PAICS: variants seen among roughly 807,000 people sequenced by gnomAD.
PAICS encodes phosphoribosylaminoimidazole carboxylase and phosphoribosylaminoimidazolesuccinocarboxamide synthase.
A neutral mutation model predicts 53.7 loss-of-function variants in PAICS; 33 were observed. That is an observed-to-expected ratio of 0.61 (90% CI 0.47 to 0.82). PAICS has a LOEUF of 0.82. PAICS is among the 40% of genes least tolerant of loss of function. PAICS has a pLI of 0.00. For synonymous variants in PAICS, 141 were observed against 167.2 expected, an observed-to-expected ratio of 0.84 and a Z score of 1.21; for missense variants, 394 against 494.1, an observed-to-expected ratio of 0.80 and a Z score of 1.92.
chr4:56,451,981 C>T lies in PAICS; in HGVS notation c.881C>T (p.Pro294Leu). 2 of 1,608,552 alleles carry T rather than the reference C, an allele frequency of 1.2e-6. No individual in the cohort carries two copies. Among genetic ancestry groups the T allele is most frequent in the Non-Finnish European group, 1.7e-6 (2 of 1,177,086 alleles). The change falls in exon 7 of 9, where the codon CCA becomes CTA. Residue 294 changes from proline to leucine, a missense_variant. Pro to Leu is a moderately conservative substitution (Grantham distance 98). Transcript: ENST00000512576. ...AAGGCCTGTGGAAATTTTGGCATTC[C>T]ATGTGAACTTCGAGTAACATCTGCG... ...IKKACGNFGI[P>L]CELRVTSAHK...
chr4:56,418,812 T>C, the PAICS span, among the ~76,000 whole-genome samples: 2 of 152,192 alleles, frequency 1.3e-5, no homozygotes, highest in Non-Finnish European at 2.9e-5. Context: ...CTGTCAGTAA[T>C]GTAAATGAAG....
chr4:56,435,514 C>A (rs769011905), upstream of PAICS: 11 of 1,612,332 alleles, frequency 6.8e-6, no homozygotes, highest in South Asian at 1.1e-5. Flanking sequence ...CCTGCCGCTG[C>A]GGCCAAGGTG....
At chr4:56,422,792 T>G in the PAICS span, 1 of 152,136 alleles carries the variant, frequency 6.6e-6, no homozygotes, top group Non-Finnish European at 1.5e-5. Context: ...TCAAAACACA[T>G]AAATGAAAGG....
rs1413357587 is a variant in PAICS at position 56,448,400 on chromosome 4, A to G, written c.394-18A>G. ...ATTTTAGATTGAAGTTAATTGTACT[A>G]CTATACTTTATTCACAGGATGATGC... On this transcript the variant is annotated intron_variant, in intron 3 of 8. Transcript: ENST00000512576. The G allele has an allele frequency of 1.3e-6, 2 of 1,529,270 alleles. No homozygotes were observed. The highest frequency in any genetic ancestry group is 1.8e-6 in the Non-Finnish European group (2 of 1,127,116). 94.7% of individuals were successfully genotyped at this position (1,529,270 alleles called of 1,614,324 possible). A position where few individuals can be genotyped will look rare whatever the true frequency, so the allele number is the denominator to read the frequency against.
chr4:56,435,463 C>T, upstream of PAICS: 1 of 1,613,716 alleles, frequency 6.2e-7, no homozygotes, highest in Non-Finnish European at 8.5e-7. Flanking sequence ...GGATCCCCAA[C>T]TCCTCCAGCT....
chr4:56,420,089 T>C, the PAICS span: 1 of 671,406 alleles, frequency 1.5e-6, no homozygotes, highest in Non-Finnish European at 1.8e-6. Context: ...TCATGTTACA[T>C]CACACAGGTT....
chr4:56,438,371 TTATATATA>T lies in PAICS; in HGVS notation c.16+2068_16+2075del, dbSNP rs61681463. Among the ~76,000 whole-genome samples the T allele has an allele frequency of 7.4e-3, 837 of 113,660 alleles. 11 individuals carry two copies. Among genetic ancestry groups the T allele is most frequent in the African/African-American group, 0.021 (705 of 33,142 alleles). 74.6% of individuals were successfully genotyped at this position (113,660 alleles called of 152,430 possible). A position where few individuals can be genotyped will look rare whatever the true frequency, so the allele number is the denominator to read the frequency against. ...AATAAAAAAAACTGGTGCAATGTGT[TTATATATA>T]TATATATATATATATATATATATAA... is the stretch of plus-strand genomic sequence containing the variant. On this transcript the variant is annotated intron_variant, in intron 1 of 8. Transcript: ENST00000512576.
the PAICS span, chr4:56,422,618 A>G: frequency 6.6e-6 from 1 of 151,920 alleles, no homozygotes; most frequent in Non-Finnish European, 1.5e-5. Context: ...CCCCAATGTG[A>G]TGTATTTGGA....
chr4:56,448,241 G>A (rs1229025658), intron 3 of PAICS, among the ~76,000 whole-genome samples, 177 bp from the exon 4 acceptor site: 3 of 151,984 alleles, frequency 2.0e-5, no homozygotes, highest in Admixed American at 6.6e-5. Flanking sequence ...TCCTGATCTT[G>A]TGATCCGCCC....
At chr4:56,438,403 A>AT (rs71194108) in intron 1 of PAICS, among the ~76,000 whole-genome samples, 16 of 114,430 alleles carry the variant, frequency 1.4e-4, no homozygotes, top group East Asian at 9.0e-4. Flanking sequence ...ATATATATAT[A>AT]AAAGGTTTTT....
At chr4:56,434,153 G>T (rs1424705035), upstream of PAICS, among the ~76,000 whole-genome samples, 3 of 152,134 alleles carry the variant, frequency 2.0e-5, no homozygotes, top group East Asian at 5.8e-4. Context: ...TTGGAGCTAC[G>T]CAAGTTAAAA....
In PAICS at chr4:56,452,070, T is replaced by C. The variant is rs754081885; in HGVS notation, c.952+18T>C. The C allele has an allele frequency of 1.4e-5, 21 of 1,506,072 alleles. No individual in the cohort carries two copies. Among genetic ancestry groups the C allele is most frequent in the Admixed American group, 1.9e-5 (1 of 52,194 alleles). The allele number at this position is 1,506,072 out of a possible 1,614,324, so 93.3% of individuals were successfully genotyped here. Reference sequence around the variant, plus strand: ...GTATGAAGGTAAACCACAAGTAATATGGACATTTCAGGTATTTCTGATTTT... The same window carrying C: ...GTATGAAGGTAAACCACAAGTAATACGGACATTTCAGGTATTTCTGATTTT... On this transcript the variant is annotated intron_variant, in intron 7 of 8. Coordinates refer to ENST00000512576, the MANE Select transcript of PAICS (RefSeq NM_001079524.2).
chr4:56,420,105 A>T, the PAICS span: 16 of 585,826 alleles, frequency 2.7e-5, no homozygotes, highest in Non-Finnish European at 3.4e-5. Context: ...AGGTTCAAGG[A>T]TCCCTTTTCC....
chr4:56,427,535 G>T, the PAICS span, among the ~76,000 whole-genome samples: 1 of 152,040 alleles, frequency 6.6e-6, no homozygotes, highest in Non-Finnish European at 1.5e-5. Context: ...CACTAGGCAT[G>T]GTGGTAGGCA....
rs367721204 is a variant in PAICS at position 56,438,594 on chromosome 4, C to T, written c.16+2266C>T. ...GATTACAGGCACACTCCACCACACC[C>T]GGCTAATTTTTTTTTGTATTTTTTA... On this transcript the variant is annotated intron_variant, in intron 1 of 8. Coordinates refer to ENST00000512576, the MANE Select transcript of PAICS (RefSeq NM_001079524.2). 1.8e-3 allele frequency among the ~76,000 whole-genome samples: 275 copies of T among 151,448 alleles called. 10 individuals carry two copies. The South Asian group carries it at 0.039, about 21-fold the overall frequency.
At chr4:56,452,088 C>T in intron 7 of PAICS, 36 bp downstream of exon 7, 1 of 1,380,874 alleles carries the variant, frequency 7.2e-7, no homozygotes, top group Non-Finnish European at 1.0e-6. Context: ...TCAGGTATTT[C>T]TGATTTTGCT....
chr4:56,462,138 T>TG lies in PAICS; in HGVS notation c.*2601dup, dbSNP rs1719539763. On this transcript the variant is annotated 3_prime_UTR_variant, in exon 9 of 9. Transcript: ENST00000512576. ...GATAAATGTATATGAAGAATCAAAA[T>TG]GAGGACGGTGATGGGGATAAGAGGG... The TG allele has an allele frequency of 6.6e-6, 1 of 152,122 alleles. No homozygotes were observed. Among genetic ancestry groups the TG allele is most frequent in the South Asian group, 2.1e-4 (1 of 4,832 alleles). 9.4% of individuals were successfully genotyped at this position (152,122 alleles called of 1,614,324 possible).
intron 8 of PAICS, among the ~76,000 whole-genome samples, chr4:56,455,299 C>T (rs546994128): frequency 6.6e-6 from 1 of 152,282 alleles, no homozygotes; most frequent in South Asian, 2.1e-4. Flanking sequence ...AATATTGTTT[C>T]AGTAGGAGAT....
rs1311166815 is a variant in PAICS, at chr4:56,463,185, C to T, written c.*3647C>T. 1 of 152,044 alleles carries T rather than the reference C, an allele frequency of 6.6e-6. No individual in the cohort carries two copies. Among genetic ancestry groups the T allele is most frequent in the African/African-American group, 2.4e-5 (1 of 41,398 alleles). The allele number at this position is 152,044 out of a possible 1,614,324, so 9.4% of individuals were successfully genotyped here. ...TTAATGGTGTTTTTACATCCAGCTT[C>T]CCACACCTCAAATACTTGGGGTGGA... On this transcript the variant is annotated 3_prime_UTR_variant, in exon 9 of 9. Coordinates refer to ENST00000512576, the MANE Select transcript of PAICS (RefSeq NM_001079524.2).
Sources: gnomAD v4.1 joint callset for allele counts (sites outside exome capture counted in the v4.1 genomes callset) on GRCh38, gnomAD v4.1.1 for gene constraint, MANE v1.5 for transcripts, NCBI Gene and HGNC (gene_info 2026-07-23, HGNC 2026-07-21) for gene names.